Variants in GASK1A observed in about 807,000 individuals in gnomAD.
The protein encoded by GASK1A is Golgi-associated kinase 1A.
Under a neutral mutation model 41.2 loss-of-function variants are expected in GASK1A, and 40 were observed. The observed-to-expected ratio is 0.97, with a 90% CI of 0.75 to 1.27. The LOEUF is 1.27. Among genes scored for constraint, GASK1A ranks in the 50% most tolerant of loss-of-function variants. The pLI, the probability that GASK1A is intolerant of heterozygous loss-of-function variation, is 0.00. For synonymous variants in GASK1A, 316 were observed against 307.1 expected, an observed-to-expected ratio of 1.03 and a Z score of -0.30; for missense variants, 678 against 745.1, an observed-to-expected ratio of 0.91 and a Z score of 1.05.
chr3:42,994,237 A>G (rs1343121056), intron 1 of GASK1A, among the ~76,000 whole-genome samples: 2 of 152,124 alleles, frequency 1.3e-5, no homozygotes, highest in Non-Finnish European at 2.9e-5. Flanking sequence ...GGCATCTTGT[A>G]TAGATAGAGG....
At position 42,989,909 on chromosome 3, in the gene GASK1A, G is replaced by A. The variant is rs1166271004; in HGVS notation, c.3+10264G>A. Among the ~76,000 whole-genome samples, 6 of 852 alleles carry A rather than the reference G, an allele frequency of 7.0e-3. 3 individuals carry two copies. The Non-Finnish European group carries it at 0.25, about 36-fold the overall frequency. The allele number at this position is 852 out of a possible 152,430, so 0.6% of individuals were successfully genotyped here. On this transcript the variant is annotated intron_variant, in intron 1 of 4. Transcript: ENST00000430121. ...CTCCCAAAGTGCTGGGATTACAGGC[G>A]TGAGCCACCGCGCCCGGCCACCTGC... is the stretch of plus-strand genomic sequence containing the variant.
chr3:43,034,504 G>A (rs1324132353), intron 2 of GASK1A, among the ~76,000 whole-genome samples: 1 of 152,180 alleles, frequency 6.6e-6, no homozygotes, highest in African/African-American at 2.4e-5. Context: ...TGGCCAGACA[G>A]AAACAAAGAC....
intron 1 of GASK1A, among the ~76,000 whole-genome samples, chr3:43,005,431 C>A (rs778312812): frequency 6.6e-6 from 1 of 152,198 alleles, no homozygotes; most frequent in African/African-American, 2.4e-5. Flanking sequence ...TGTGGCATCT[C>A]GCTCTGTCCT....
chr3:42,993,850 A>G (rs2089354987), intron 1 of GASK1A, among the ~76,000 whole-genome samples: 1 of 152,246 alleles, frequency 6.6e-6, no homozygotes, highest in African/African-American at 2.4e-5. Flanking sequence ...GTATTATGTC[A>G]TTGTAGCATA....
rs116795469 is a variant in GASK1A at position 43,030,567 on chromosome 3, C to T, written c.4-1700C>T. ...TTTCATCTCTGGTTTGTCTATGCAA[C>T]GGTTTCCTTCTCTCTCCCTGCAGAC... On this transcript the variant is annotated intron_variant, in intron 1 of 4. Coordinates refer to ENST00000430121, the MANE Select transcript of GASK1A (RefSeq NM_001129908.3). Among the ~76,000 whole-genome samples the T allele has an allele frequency of 3.6e-3, 556 of 152,342 alleles. 3 individuals carry two copies. The highest frequency in any genetic ancestry group is 0.013 in the African/African-American group (522 of 41,586).
At position 43,032,850 on chromosome 3, in the gene GASK1A, A is replaced by G. The variant is rs918545852; in HGVS notation, c.587A>G (p.His196Arg). 9.0e-6 allele frequency: 14 copies of G among 1,548,846 alleles called. No homozygotes were observed. The highest frequency in any genetic ancestry group is 1.1e-5 in the Non-Finnish European group (13 of 1,146,952). ...ACTTCTGGGCTGACACTCTGGCCCC[A>G]TACAGCAGAAGGCAGGGATCTGCTG... is the stretch of plus-strand genomic sequence containing the variant. ...RATSGLTLWP[H>R]TAEGRDLLGA... Residue 196 changes from histidine to arginine, a missense_variant, in exon 2 of 5, where the codon CAT (histidine) becomes CGT (arginine). Physicochemically the swap from His to Arg is conservative, Grantham distance 29. Transcript: ENST00000430121.
At chr3:43,002,032 A>C (rs1041254172) in intron 1 of GASK1A, among the ~76,000 whole-genome samples, 1 of 152,204 alleles carries the variant, frequency 6.6e-6, no homozygotes, top group Non-Finnish European at 1.5e-5. Flanking sequence ...CACAGCATAG[A>C]AAGCTTGCTG....
intron 1 of GASK1A, among the ~76,000 whole-genome samples, chr3:43,022,954 T>TTA (rs1211116845): frequency 2.0e-5 from 3 of 152,262 alleles, no homozygotes; most frequent in Admixed American, 1.3e-4. Context: ...TCAGGGCCTC[T>TTA]TATGTCAATC....
chr3:43,041,594 G>C (rs141247830), intron 2 of GASK1A, among the ~76,000 whole-genome samples: 2 of 152,292 alleles, frequency 1.3e-5, no homozygotes, highest in Middle Eastern at 3.4e-3. Flanking sequence ...CCATAAGAAG[G>C]CTATTTCTTC....
intron 1 of GASK1A, among the ~76,000 whole-genome samples, chr3:43,006,523 C>T (rs1377420305): frequency 6.6e-6 from 1 of 152,166 alleles, no homozygotes; most frequent in Non-Finnish European, 1.5e-5. Flanking sequence ...CTCAATGGTG[C>T]TCTAGCCTCG....
intron 1 of GASK1A, among the ~76,000 whole-genome samples, chr3:42,994,554 C>T (rs2089359428): frequency 6.6e-6 from 1 of 152,056 alleles, no homozygotes; most frequent in South Asian, 2.1e-4. Context: ...GCCTCCGATG[C>T]AGTTTTCTGC....
intron 1 of GASK1A, among the ~76,000 whole-genome samples, chr3:42,983,049 G>T (rs936898552): frequency 2.6e-5 from 4 of 152,160 alleles, no homozygotes; most frequent in Admixed American, 1.3e-4. Context: ...TCTCCATGTA[G>T]GTCCTGTCAC....
Position 42,979,549 on chromosome 3 carries a change from C to A in GASK1A, c.-94C>A. 1 of 1,212,342 alleles carries A rather than the reference C, an allele frequency of 8.2e-7. No homozygotes were observed. 75.1% of individuals were successfully genotyped at this position (1,212,342 alleles called of 1,614,324 possible). A position where few individuals can be genotyped will look rare whatever the true frequency, so the allele number is the denominator to read the frequency against. ...TAGCCGCGCATCCTGGGAAGCCTGG[C>A]GAGCCACGGCGCCGGGGGCGGCCAA... On this transcript the variant is annotated 5_prime_UTR_variant, in exon 1 of 5. Coordinates refer to ENST00000430121, the MANE Select transcript of GASK1A (RefSeq NM_001129908.3).
chr3:43,033,259 C>T lies in GASK1A; in HGVS notation c.996C>T (p.Phe332=), dbSNP rs778108808. Residue 332 remains phenylalanine (F), a synonymous_variant, in exon 2 of 5, where the codon TTC becomes TTT. Transcript: ENST00000430121. The part of the protein sequence containing the change: ...RPGDLPEVLS[F]HVDRVLGLRR... ...GGGACCTGCCTGAGGTCCTGTCCTTCCACGTAGATCGTGTGCTGGGGCTGC... is the reference window on the plus strand; with the variant it reads ...GGGACCTGCCTGAGGTCCTGTCCTTTCACGTAGATCGTGTGCTGGGGCTGC... 3.5e-5 allele frequency: 54 copies of T among 1,551,708 alleles called. No individual in the cohort carries two copies. In the East Asian group the frequency reaches 1.1e-3, roughly 30 times the overall value.
At position 43,033,201 on chromosome 3, in the gene GASK1A, C is replaced by T. The variant is rs932969351; in HGVS notation, c.938C>T (p.Ser313Phe). ...LSSPRLSQLCSQGLCGLIKRP... is the reference protein window; with the variant it reads ...LSSPRLSQLCFQGLCGLIKRP... ...TCTCCCAGGCTCAGCCAACTCTGTTCCCAAGGGCTCTGTGGCCTGATCAAG... is the reference window on the plus strand; with the variant it reads ...TCTCCCAGGCTCAGCCAACTCTGTTTCCAAGGGCTCTGTGGCCTGATCAAG... Residue 313 changes from serine to phenylalanine, a missense_variant, in exon 2 of 5, where the codon TCC becomes TTC. Ser to Phe is a radical substitution (Grantham distance 155). Transcript: ENST00000430121. 12 of 1,551,412 alleles carry T rather than the reference C, an allele frequency of 7.7e-6. No homozygotes were observed. The African/African-American group carries it at 1.4e-4, about 18-fold the overall frequency.
chr3:43,022,626 G>A (rs534057247), intron 1 of GASK1A, among the ~76,000 whole-genome samples: 4 of 152,222 alleles, frequency 2.6e-5, no homozygotes, highest in African/African-American at 9.6e-5. Flanking sequence ...TTTCTCAGTT[G>A]TAAAATAGGA....
In GASK1A at chr3:43,056,648, G is replaced by A; in HGVS notation, c.*262G>A. The A allele has an allele frequency of 2.7e-6, 1 of 369,750 alleles. No individual in the cohort carries two copies. The highest frequency in any genetic ancestry group is 4.0e-5 in the Admixed American group (1 of 24,858). 22.9% of individuals were successfully genotyped at this position (369,750 alleles called of 1,614,324 possible). A position where few individuals can be genotyped will look rare whatever the true frequency, so the allele number is the denominator to read the frequency against. ...TGTTCTGTGAGCTGCTCAAGAAACT[G>A]TAAAAATGTGTGATGCACGTGCATA... On this transcript the variant is annotated 3_prime_UTR_variant, in exon 5 of 5. Coordinates refer to ENST00000430121, the MANE Select transcript of GASK1A (RefSeq NM_001129908.3).
rs1051458291 is a variant in GASK1A, at chr3:42,979,605, G to A, written c.-38G>A. ...GGCGGGATGAGTCTGCGAGCCGGCTGAGCGCGCCGAGGAGCCGGCCGGGGC... is the reference window on the plus strand; with the variant it reads ...GGCGGGATGAGTCTGCGAGCCGGCTAAGCGCGCCGAGGAGCCGGCCGGGGC... On this transcript the variant is annotated 5_prime_UTR_variant, in exon 1 of 5. It removes the in-frame stop codon of an upstream open reading frame in the 5' UTR. Transcript: ENST00000430121. 28 of 1,241,656 alleles carry A rather than the reference G, an allele frequency of 2.3e-5. No individual in the cohort carries two copies. The highest frequency in any genetic ancestry group is 1.9e-4 in the East Asian group (6 of 31,674). 76.9% of individuals were successfully genotyped at this position (1,241,656 alleles called of 1,614,324 possible).
chr3:43,018,385 A>G (rs758548876), intron 1 of GASK1A, among the ~76,000 whole-genome samples: 7 of 152,194 alleles, frequency 4.6e-5, no homozygotes, highest in Non-Finnish European at 7.3e-5. Flanking sequence ...GTCACCTCAC[A>G]AGTCAGATGT....
Sources: allele counts gnomAD v4.1 joint callset (sites outside exome capture counted in the v4.1 genomes callset), GRCh38; gene constraint gnomAD v4.1.1; transcripts MANE v1.5; gene names NCBI Gene and HGNC (gene_info 2026-07-23, HGNC 2026-07-21).